Variants in ZNF169 observed in about 807,000 individuals in gnomAD.
The protein encoded by ZNF169 is zinc finger protein 169.
A neutral mutation model predicts 12.0 loss-of-function variants in ZNF169; 11 were observed. The ratio of observed to expected loss-of-function variants is 0.92; its 90% CI spans 0.58 to 1.52. ZNF169 has a LOEUF of 1.52. ZNF169 is among the 40% of genes most tolerant of loss of function. ZNF169 has a pLI of 0.00. For missense variants in ZNF169, 722 were observed against 744.0 expected, an observed-to-expected ratio of 0.97 and a Z score of 0.34; for synonymous variants, 302 against 286.5, an observed-to-expected ratio of 1.05 and a Z score of -0.55.
chr9:94,285,738 G>A (rs759615469), intron 2 of ZNF169, among the ~76,000 whole-genome samples: 1 of 152,080 alleles, frequency 6.6e-6, no homozygotes. Context: ...GGCCAGGCAC[G>A]GTAGCTCACG....
chr9:94,262,702 G>T (rs890810784), intron 1 of ZNF169, among the ~76,000 whole-genome samples: 2 of 151,874 alleles, frequency 1.3e-5, no homozygotes, highest in Non-Finnish European at 2.9e-5. Context: ...CTCGTGATCC[G>T]CCTGCCTCGG....
chr9:94,271,864 C>T (rs1012433954), intron 1 of ZNF169, among the ~76,000 whole-genome samples: 33 of 151,646 alleles, frequency 2.2e-4, no homozygotes, highest in Admixed American at 2.1e-3. Flanking sequence ...ATGGCTTTGT[C>T]AGGTTTTGGT....
intron 1 of ZNF169, among the ~76,000 whole-genome samples, chr9:94,260,825 T>G (rs1169595542): frequency 1.1e-5 from 1 of 88,156 alleles, no homozygotes; most frequent in Non-Finnish European, 2.1e-5. Context: ...TTTTTTTTTT[T>G]TTTTTTTTTT....
chr9:94,290,200 A>G (rs1332369497), intron 2 of ZNF169, among the ~76,000 whole-genome samples: 1 of 152,266 alleles, frequency 6.6e-6, no homozygotes, highest in African/African-American at 2.4e-5. Flanking sequence ...CTCTCAGTAC[A>G]ATAGGAACAG....
In ZNF169 at chr9:94,292,351, C is replaced by T. The variant is rs1204914096; in HGVS notation, c.44C>T (p.Ala15Val). ...GTGTTTGTGTTACAGGCATTGATGG[C>T]CTTCCGGGATGTGGCTGTGGCCTTC... ...LLTTRKEALMAFRDVAVAFTQ... is the reference protein window; with the variant it reads ...LLTTRKEALMVFRDVAVAFTQ... Residue 15 changes from alanine (A) to valine (V), a missense_variant, in exon 3 of 5, where the codon GCC (alanine) becomes GTC (valine). Transcript: ENST00000395395. The T allele has an allele frequency of 6.2e-7, 1 of 1,613,956 alleles. No homozygotes were observed. Among genetic ancestry groups the T allele is most frequent in the Non-Finnish European group, 8.5e-7 (1 of 1,180,030 alleles).
chr9:94,292,607 TTGTGTGTGTGTGTG>T (rs138361295), intron 3 of ZNF169, 140 bp downstream of exon 3: 9 of 678,800 alleles, frequency 1.3e-5, no homozygotes, highest in African/African-American at 5.6e-5. Flanking sequence ...CACAGTGCAG[TTGTGTGTGTGTGTG>T]TGTGTGTGTG....
In ZNF169 at chr9:94,292,987, CA is replaced by C; in HGVS notation, c.177del (p.Lys59AsnfsTer54). On this transcript the variant is annotated frameshift_variant, in exon 4 of 5. Transcript: ENST00000395395. LOFTEE classifies it high-confidence loss of function. ...TCCTGTGAGTAGGAATTGCATTTTC[CA>C]AACCAAAACTCATCGAACAGCTGGA... ...HLVSLGIAFS[K>X]PKLIEQLEQG... 6.2e-7 allele frequency: 1 copy of C among 1,611,994 alleles called. No homozygotes were observed. The highest frequency in any genetic ancestry group is 8.5e-7 in the Non-Finnish European group (1 of 1,178,882).
chr9:94,296,218 G>A (rs533502360), intron 4 of ZNF169, among the ~76,000 whole-genome samples: 1 of 152,258 alleles, frequency 6.6e-6, no homozygotes, highest in East Asian at 1.9e-4. Flanking sequence ...TAAAAATGTG[G>A]TTTCTTATTT....
chr9:94,299,684 T>A, intron 4 of ZNF169, 131 bp from the exon 5 acceptor site: 1 of 1,452,518 alleles, frequency 6.9e-7, no homozygotes, highest in Non-Finnish European at 9.0e-7. Flanking sequence ...TGTGCTGCAA[T>A]AGAGCATGTA....
At chr9:94,296,278 T>C (rs918888788) in intron 4 of ZNF169, among the ~76,000 whole-genome samples, 1 of 152,242 alleles carries the variant, frequency 6.6e-6, no homozygotes, top group Non-Finnish European at 1.5e-5. Flanking sequence ...TAGAAGTCCA[T>C]TATCAGATAT....
chr9:94,276,528 G>A (rs1248700200), intron 1 of ZNF169, among the ~76,000 whole-genome samples: 6 of 152,092 alleles, frequency 3.9e-5, no homozygotes, highest in Non-Finnish European at 8.8e-5. Flanking sequence ...CAAAGTGCTA[G>A]GATTACAGAC....
At chr9:94,295,935 T>C (rs1035958581) in intron 4 of ZNF169, 3 of 152,252 alleles carry the variant, frequency 2.0e-5, no homozygotes, top group African/African-American at 7.2e-5. Context: ...ATACAATATA[T>C]ATTCAACTTT....
chr9:94,284,904 C>T (rs1050889222), intron 2 of ZNF169, among the ~76,000 whole-genome samples: 2 of 151,882 alleles, frequency 1.3e-5, no homozygotes, highest in Admixed American at 6.6e-5. Context: ...TATGGAATCT[C>T]ATGGTACCCT....
intron 1 of ZNF169, among the ~76,000 whole-genome samples, chr9:94,263,425 G>T (rs990490755): frequency 1.3e-5 from 2 of 151,154 alleles, no homozygotes; most frequent in Non-Finnish European, 2.9e-5. Context: ...TTTACTCTTT[G>T]CATGTTATCT....
rs575607342 is a variant in ZNF169, at chr9:94,297,603, T to C, written c.257-2212T>C. ...CTTGCAGATATGATCTTACTGACTCTAATCAATGATACAAAGAGTTTTTCT... is the reference window on the plus strand; with the variant it reads ...CTTGCAGATATGATCTTACTGACTCCAATCAATGATACAAAGAGTTTTTCT... On this transcript the variant is annotated intron_variant, in intron 4 of 4. Transcript: ENST00000395395. Among the ~76,000 whole-genome samples, 65 of 152,370 alleles carry C rather than the reference T, an allele frequency of 4.3e-4. No homozygotes were observed. In the South Asian group the frequency reaches 0.013, roughly 31 times the overall value.
chr9:94,292,095 G>A (rs1476143286), intron 2 of ZNF169, among the ~76,000 whole-genome samples: 1 of 152,240 alleles, frequency 6.6e-6, no homozygotes, highest in African/African-American at 2.4e-5. Flanking sequence ...CTATGTAGCT[G>A]CGATAATCAA....
intron 2 of ZNF169, among the ~76,000 whole-genome samples, chr9:94,291,846 A>G (rs1335238014): frequency 6.6e-6 from 1 of 152,248 alleles, no homozygotes; most frequent in Non-Finnish European, 1.5e-5. Flanking sequence ...ATGGAGAGAC[A>G]TACTGTGTTT....
At chr9:94,282,984 TC>T (rs1302340973) in intron 2 of ZNF169, among the ~76,000 whole-genome samples, 1 of 152,230 alleles carries the variant, frequency 6.6e-6, no homozygotes, top group Non-Finnish European at 1.5e-5. Context: ...TAGGAGTTAT[TC>T]CCCATTCGCC....
At chr9:94,261,045 T>G (rs1165591225) in intron 1 of ZNF169, among the ~76,000 whole-genome samples, 1 of 151,224 alleles carries the variant, frequency 6.6e-6, no homozygotes, top group Admixed American at 6.6e-5. Context: ...TTTGTTTGTT[T>G]GTTTTGAGAG....
Sources: allele counts gnomAD v4.1 joint callset (sites outside exome capture counted in the v4.1 genomes callset), GRCh38; gene constraint gnomAD v4.1.1; transcripts MANE v1.5; gene names NCBI Gene and HGNC (gene_info 2026-07-23, HGNC 2026-07-21).